SNCB: variants seen among roughly 807,000 people sequenced by gnomAD.
SNCB encodes beta-synuclein.
A neutral mutation model predicts 20.0 loss-of-function variants in SNCB; 8 were observed. That is an observed-to-expected ratio of 0.40 (90% confidence interval 0.24 to 0.72). The LOEUF (loss-of-function observed/expected upper bound fraction) is 0.72, where lower values mean the gene tolerates loss of function less well. SNCB is among the 30% of genes least tolerant of loss of function. SNCB has a pLI of 0.37. For missense variants in SNCB, 125 were observed against 168.0 expected, an observed-to-expected ratio of 0.74 and a Z score of 1.41; for synonymous variants, 56 against 65.4, an observed-to-expected ratio of 0.86 and a Z score of 0.69.
chr5:176,622,017 A>T (rs573674007), intron 4 of SNCB, among the ~76,000 whole-genome samples: 98 of 152,346 alleles, frequency 6.4e-4, no homozygotes, highest in Middle Eastern at 3.4e-3. Flanking sequence ...ATAGCTTAGG[A>T]TCCATGCACA....
chr5:176,622,585 G>A (rs1209283684), intron 4 of SNCB, among the ~76,000 whole-genome samples: 1 of 152,200 alleles, frequency 6.6e-6, no homozygotes, highest in Non-Finnish European at 1.5e-5. Context: ...GAATGGATGT[G>A]TGCCTTGTGA....
Position 176,629,336 on chromosome 5 carries a change from C to T in SNCB, c.121+198G>A, listed in dbSNP as rs1760181723. On this transcript the variant is annotated intron_variant, in intron 2 of 5. Coordinates refer to ENST00000393693, the MANE Select transcript of SNCB (RefSeq NM_003085.5). This position sits in a 1 kb window ranked among gnomAD's most constrained non-coding sequence, Gnocchi z 4.1. ...GCTGGAGCCCCCCACCTCATCAGCC[C>T]GCCCCGTGTCCCCATTTCCGGATAC... 1.6e-6 allele frequency: 1 copy of T among 616,392 alleles called. No individual in the cohort carries two copies. The highest frequency in any genetic ancestry group is 2.0e-5 in the South Asian group (1 of 49,792). The allele number at this position is 616,392 out of a possible 1,614,324, so 38.2% of individuals were successfully genotyped here. A position where few individuals can be genotyped will look rare whatever the true frequency, so the allele number is the denominator to read the frequency against.
rs2291441 is a variant in SNCB at position 176,626,644 on chromosome 5, C to A, written c.163+76G>T. On this transcript the variant is annotated intron_variant, in intron 3 of 5. Coordinates refer to ENST00000393693, the MANE Select transcript of SNCB (RefSeq NM_003085.5). This position sits in a 1 kb window ranked among gnomAD's most constrained non-coding sequence, Gnocchi z 4.2. ...CCGCAGAAGCCTTGGGAGTCTCCCC[C>A]GCCCCCGCCCTCTGGTTCCCGGCCA... 7.0e-6 allele frequency: 11 copies of A among 1,567,440 alleles called. No homozygotes were observed. Among genetic ancestry groups the A allele is most frequent in the Admixed American group, 1.7e-5 (1 of 59,874 alleles).
chr5:176,629,759 G>T lies in SNCB; in HGVS notation c.-9-96C>A. 1.3e-6 allele frequency: 2 copies of T among 1,484,934 alleles called. No homozygotes were observed. The highest frequency in any genetic ancestry group is 2.6e-5 in the South Asian group (2 of 75,728). The allele number at this position is 1,484,934 out of a possible 1,614,324, so 92.0% of individuals were successfully genotyped here. ...CAGATGCCCCCCTACTCCCGAGACC[G>T]CGGCGCCCTTCTGGACCCTGAGCCC... On this transcript the variant is annotated intron_variant, in intron 1 of 5. Coordinates refer to ENST00000393693, the MANE Select transcript of SNCB (RefSeq NM_003085.5). This position sits in a 1 kb window ranked among gnomAD's most constrained non-coding sequence, Gnocchi z 4.1.
At position 176,620,918 on chromosome 5, in the gene SNCB, C is replaced by G; in HGVS notation, c.373-75G>C. On this transcript the variant is annotated intron_variant, in intron 5 of 5. Coordinates refer to ENST00000393693, the MANE Select transcript of SNCB (RefSeq NM_003085.5). The surrounding 1 kb of genome is among the most constrained non-coding windows in gnomAD (Gnocchi z 4.5). ...AGTTTGAGACCAAGTGGCCAAGCCC[C>G]GGCCCAAGAACCCTCTCCCTGAAGG... 9.8e-6 allele frequency: 13 copies of G among 1,319,896 alleles called. No individual in the cohort carries two copies. In the Middle Eastern group the frequency reaches 5.4e-4, roughly 55 times the overall value. 81.8% of individuals were successfully genotyped at this position (1,319,896 alleles called of 1,614,324 possible).
At position 176,629,824 on chromosome 5, in the gene SNCB, G is replaced by A; in HGVS notation, c.-9-161C>T. The A allele has an allele frequency of 1.0e-6, 1 of 1,002,028 alleles. No homozygotes were observed. The highest frequency in any genetic ancestry group is 1.8e-5 in the South Asian group (1 of 56,842). The allele number at this position is 1,002,028 out of a possible 1,614,324, so 62.1% of individuals were successfully genotyped here. ...CCCATCCCACCCCACTCCCCAGTGCGAAGCCTCAGGGCCGCGGAGAGTCCT... is the reference window on the plus strand; with the variant it reads ...CCCATCCCACCCCACTCCCCAGTGCAAAGCCTCAGGGCCGCGGAGAGTCCT... On this transcript the variant is annotated intron_variant, in intron 1 of 5. Coordinates refer to ENST00000393693, the MANE Select transcript of SNCB (RefSeq NM_003085.5). The surrounding 1 kb of genome is among the most constrained non-coding windows in gnomAD (Gnocchi z 4.1).
At chr5:176,623,455 G>A (rs189721927) in intron 4 of SNCB, among the ~76,000 whole-genome samples, 14 of 152,250 alleles carry the variant, frequency 9.2e-5, no homozygotes. Flanking sequence ...GGAGGTGGGT[G>A]AGGCTCCTGG....
In SNCB at chr5:176,621,344, A is replaced by G; in HGVS notation, c.283-41T>C. On this transcript the variant is annotated intron_variant, in intron 4 of 5. Coordinates refer to ENST00000393693, the MANE Select transcript of SNCB (RefSeq NM_003085.5). This position sits in a 1 kb window ranked among gnomAD's most constrained non-coding sequence, Gnocchi z 4.1. ...GTCAGGACTCGTGAGGACAGCCAGG[A>G]TGCCCCCCAAATTCCCACAGTGGTA... The G allele has an allele frequency of 6.5e-7, 1 of 1,543,724 alleles. No homozygotes were observed.
At position 176,630,488 on chromosome 5, in the gene SNCB, C is replaced by G. The variant is rs1354687149; in HGVS notation, c.-218G>C. 1 of 153,502 alleles carries G rather than the reference C, an allele frequency of 6.5e-6. No homozygotes were observed. The highest frequency in any genetic ancestry group is 1.5e-5 in the Non-Finnish European group (1 of 68,810). The allele number at this position is 153,502 out of a possible 1,614,324, so 9.5% of individuals were successfully genotyped here. ...CCGCTCGTTCCTCGCGCCCTGCGAG[C>G]TCGCGCGCTCCGGCTCCGGCTCCGG... On this transcript the variant is annotated 5_prime_UTR_variant, in exon 1 of 6. Coordinates refer to ENST00000393693, the MANE Select transcript of SNCB (RefSeq NM_003085.5).
In SNCB at chr5:176,621,079, G is replaced by C; in HGVS notation, c.372+135C>G. The C allele has an allele frequency of 1.2e-6, 1 of 811,212 alleles. No individual in the cohort carries two copies. Among genetic ancestry groups the C allele is most frequent in the East Asian group, 2.7e-5 (1 of 37,660 alleles). The allele number at this position is 811,212 out of a possible 1,614,324, so 50.3% of individuals were successfully genotyped here. A position where few individuals can be genotyped will look rare whatever the true frequency, so the allele number is the denominator to read the frequency against. On this transcript the variant is annotated intron_variant, in intron 5 of 5. Transcript: ENST00000393693. This position sits in a 1 kb window ranked among gnomAD's most constrained non-coding sequence, Gnocchi z 4.1. Reference sequence around the variant, plus strand: ...CTCTCCTCCCTGCTCCCACCTCCTGGGGCCTGGGTTCTAGAAGAGGGATGT... The same window carrying C: ...CTCTCCTCCCTGCTCCCACCTCCTGCGGCCTGGGTTCTAGAAGAGGGATGT...
chr5:176,624,693 T>C (rs1759821099), intron 4 of SNCB, among the ~76,000 whole-genome samples: 1 of 150,774 alleles, frequency 6.6e-6, no homozygotes, highest in Non-Finnish European at 1.5e-5. Context: ...TTCCAGCAAC[T>C]TGGGAGGCTG....
In SNCB at chr5:176,629,449, C is replaced by A. The variant is rs779751131; in HGVS notation, c.121+85G>T. On this transcript the variant is annotated intron_variant, in intron 2 of 5. Transcript: ENST00000393693. The surrounding 1 kb of genome is among the most constrained non-coding windows in gnomAD (Gnocchi z 4.1). ...CTGACTCATATTCTCCTGCCCAGAA[C>A]CCCCCTCCCCGGGACCCGGCCCCAG... 8 of 1,454,472 alleles carry A rather than the reference C, an allele frequency of 5.5e-6. No individual in the cohort carries two copies. Among genetic ancestry groups the A allele is most frequent in the Non-Finnish European group, 6.6e-6 (7 of 1,054,996 alleles). The allele number at this position is 1,454,472 out of a possible 1,614,324, so 90.1% of individuals were successfully genotyped here. A position where few individuals can be genotyped will look rare whatever the true frequency, so the allele number is the denominator to read the frequency against.
At chr5:176,624,024 C>T (rs1759776540) in intron 4 of SNCB, among the ~76,000 whole-genome samples, 1 of 152,192 alleles carries the variant, frequency 6.6e-6, no homozygotes, top group South Asian at 2.1e-4. Context: ...TGCATGAGTC[C>T]CCCATGCCGC....
rs368846293 is a variant in SNCB, at chr5:176,626,665, G to A, written c.163+55C>T. 1.2e-4 allele frequency: 199 copies of A among 1,599,960 alleles called. No individual in the cohort carries two copies. The highest frequency in any genetic ancestry group is 2.0e-4 in the South Asian group (18 of 90,716). Reference sequence around the variant, plus strand: ...CCCCCGCCCCCGCCCTCTGGTTCCCGGCCAGATCATCCGCCTAAGTGAGAG... The same window carrying A: ...CCCCCGCCCCCGCCCTCTGGTTCCCAGCCAGATCATCCGCCTAAGTGAGAG... On this transcript the variant is annotated intron_variant, in intron 3 of 5. Transcript: ENST00000393693. This position sits in a 1 kb window ranked among gnomAD's most constrained non-coding sequence, Gnocchi z 4.2.
In SNCB at chr5:176,620,499, G is replaced by T. The variant is rs1759510524; in HGVS notation, c.*312C>A. 1 of 399,430 alleles carries T rather than the reference G, an allele frequency of 2.5e-6. No homozygotes were observed. Among genetic ancestry groups the T allele is most frequent in the Non-Finnish European group, 4.5e-6 (1 of 221,446 alleles). 24.7% of individuals were successfully genotyped at this position (399,430 alleles called of 1,614,324 possible). A position where few individuals can be genotyped will look rare whatever the true frequency, so the allele number is the denominator to read the frequency against. Reference sequence around the variant, plus strand: ...TGTCGGGGATCGGGGAGGAGCCGTCGCTCGGATCTTCGTTTAAAAACACAT... The same window carrying T: ...TGTCGGGGATCGGGGAGGAGCCGTCTCTCGGATCTTCGTTTAAAAACACAT... On this transcript the variant is annotated 3_prime_UTR_variant, in exon 6 of 6. Transcript: ENST00000393693. The surrounding 1 kb of genome is among the most constrained non-coding windows in gnomAD (Gnocchi z 4.5).
chr5:176,626,651 G>A lies in SNCB; in HGVS notation c.163+69C>T, dbSNP rs1403582616. The A allele has an allele frequency of 9.7e-6, 15 of 1,549,742 alleles. No individual in the cohort carries two copies. Among genetic ancestry groups the A allele is most frequent in the South Asian group, 5.6e-5 (5 of 89,366 alleles). On this transcript the variant is annotated intron_variant, in intron 3 of 5. Coordinates refer to ENST00000393693, the MANE Select transcript of SNCB (RefSeq NM_003085.5). The surrounding 1 kb of genome is among the most constrained non-coding windows in gnomAD (Gnocchi z 4.2). ...AGCCTTGGGAGTCTCCCCCGCCCCC[G>A]CCCTCTGGTTCCCGGCCAGATCATC...
chr5:176,627,278 T>C (rs1306059760), intron 2 of SNCB, among the ~76,000 whole-genome samples: 1 of 152,220 alleles, frequency 6.6e-6, no homozygotes, highest in East Asian at 1.9e-4. Context: ...CAAAGCCATG[T>C]ATTTTGAAAG....
At position 176,626,614 on chromosome 5, in the gene SNCB, C is replaced by T; in HGVS notation, c.164-98G>A. 6.6e-7 allele frequency: 1 copy of T among 1,521,666 alleles called. No individual in the cohort carries two copies. Among genetic ancestry groups the T allele is most frequent in the Non-Finnish European group, 9.1e-7 (1 of 1,095,928 alleles). 94.3% of individuals were successfully genotyped at this position (1,521,666 alleles called of 1,614,324 possible). ...CCCAGGGCCTGCCCTCCCCACGGAG[C>T]ATTCCCGCAGAAGCCTTGGGAGTCT... On this transcript the variant is annotated intron_variant, in intron 3 of 5. Transcript: ENST00000393693. This position sits in a 1 kb window ranked among gnomAD's most constrained non-coding sequence, Gnocchi z 4.2.
chr5:176,625,224 T>C (rs1342193488), intron 4 of SNCB, among the ~76,000 whole-genome samples: 1 of 152,212 alleles, frequency 6.6e-6, no homozygotes, highest in African/African-American at 2.4e-5. Flanking sequence ...ATTCACTGTA[T>C]GCAAACCCAG....
Sources: allele counts gnomAD v4.1 joint callset (sites outside exome capture counted in the v4.1 genomes callset), GRCh38; gene constraint gnomAD v4.1.1; non-coding constraint Gnocchi (gnomAD v3.1); transcripts MANE v1.5; gene names NCBI Gene and HGNC (gene_info 2026-07-23, HGNC 2026-07-21).